The following TMC8 variants were observed in gnomAD, a reference collection of about 807,000 sequenced individuals.
TMC8 encodes transmembrane channel-like protein 8.
A neutral mutation model predicts 76.0 loss-of-function variants in TMC8; 71 were observed. That is an observed-to-expected ratio of 0.93 (90% CI 0.77 to 1.14). The LOEUF is 1.14. TMC8 is among the 50% of genes most tolerant of loss of function. The pLI is 0.00. For synonymous variants in TMC8, 433 were observed against 433.8 expected, an observed-to-expected ratio of 1.00 and a Z score of 0.02; for missense variants, 924 against 947.9, an observed-to-expected ratio of 0.97 and a Z score of 0.33.
chr17:78,139,358 C>A, intron 15 of TMC8, 118 bp downstream of exon 15: 1 of 1,151,464 alleles, frequency 8.7e-7, no homozygotes. Flanking sequence ...CACTGGAGGG[C>A]GTGGCCTCAG....
intron 5 of TMC8, 25 bp from the exon 6 acceptor site, chr17:78,133,381 T>G (rs1366668264): frequency 4.3e-6 from 7 of 1,613,606 alleles, no homozygotes; most frequent in Middle Eastern, 1.6e-4. Context: ...TCACCCGGGC[T>G]GGGTATCTTC....
At chr17:78,138,228 T>G in intron 12 of TMC8, 40 bp downstream of exon 12, 1 of 1,613,386 alleles carries the variant, frequency 6.2e-7, no homozygotes. Flanking sequence ...TTCGTGCCTC[T>G]GGGTGGATGC....
chr17:78,140,503 A>T (rs1368728148), intron 15 of TMC8, among the ~76,000 whole-genome samples: 2 of 145,298 alleles, frequency 1.4e-5, no homozygotes, highest in African/African-American at 5.2e-5. Flanking sequence ...ATGGGGTGGG[A>T]CCCTAGTGGG....
intron 10 of TMC8, 144 bp downstream of exon 10, chr17:78,137,502 C>A: frequency 7.0e-7 from 1 of 1,435,578 alleles, no homozygotes; most frequent in Non-Finnish European, 9.7e-7. Context: ...CGCACACCTC[C>A]AGGGGGCGCC....
chr17:78,135,065 GCTCT>G (rs754716494), intron 9 of TMC8, 56 bp downstream of exon 9: 2 of 1,610,092 alleles, frequency 1.2e-6, no homozygotes, highest in East Asian at 2.2e-5. Flanking sequence ...GCATCCTGCT[GCTCT>G]CTTTTGGTTG....
intron 15 of TMC8, 124 bp from the exon 16 acceptor site, chr17:78,140,710 C>T (rs2075354538): frequency 2.3e-6 from 3 of 1,325,710 alleles, no homozygotes; most frequent in Non-Finnish European, 3.2e-6. Context: ...TCGGGCGGGG[C>T]GTGGCCTCTG....
intron 9 of TMC8, 49 bp from the exon 10 acceptor site, chr17:78,137,186 G>A (rs1421887637): frequency 1.1e-5 from 17 of 1,610,104 alleles, no homozygotes; most frequent in South Asian, 2.2e-5. Flanking sequence ...GGTAGAGCCC[G>A]GTGCCCATGT....
intron 9 of TMC8, among the ~76,000 whole-genome samples, chr17:78,135,723 C>T (rs564816019): frequency 6.6e-6 from 1 of 152,354 alleles, no homozygotes; most frequent in East Asian, 1.9e-4. Context: ...GCTTTTCCCT[C>T]TGCTTCCTCA....
intron 15 of TMC8, among the ~76,000 whole-genome samples, chr17:78,140,521 C>A (rs2075346723): frequency 6.6e-6 from 1 of 151,454 alleles, no homozygotes; most frequent in South Asian, 2.1e-4. Context: ...GGGGCGTGGT[C>A]TCAGGGTGCG....
chr17:78,132,122 T>A, intron 3 of TMC8, 92 bp downstream of exon 3: 1 of 1,520,328 alleles, frequency 6.6e-7, no homozygotes, highest in Non-Finnish European at 8.8e-7. Flanking sequence ...CCCACCTGCC[T>A]TCACCCGGGT....
At chr17:78,133,298 C>T in intron 5 of TMC8, 108 bp from the exon 6 acceptor site, 1 of 1,565,354 alleles carries the variant, frequency 6.4e-7, no homozygotes, top group East Asian at 2.2e-5. Context: ...ACGGGACACT[C>T]CCTACCTGAT....
intron 15 of TMC8, among the ~76,000 whole-genome samples, chr17:78,139,812 T>G (rs2075329727): frequency 6.7e-6 from 1 of 150,160 alleles, no homozygotes; most frequent in Non-Finnish European, 1.5e-5. Flanking sequence ...GTGAGTGGAT[T>G]GCCTGAGGTC....
At chr17:78,139,728 TAA>T (rs34917993) in intron 15 of TMC8, among the ~76,000 whole-genome samples, 1,153 of 62,758 alleles carry the variant, frequency 0.018, 9 homozygotes, top group African/African-American at 0.049. Flanking sequence ...CGTCTCTACT[TAA>T]AAAAAAAAAA....
chr17:78,134,599 G>T (rs747493947), intron 8 of TMC8, 35 bp downstream of exon 8: 4 of 1,612,098 alleles, frequency 2.5e-6, no homozygotes, highest in Non-Finnish European at 1.7e-6. Flanking sequence ...ATCCTGGCCA[G>T]AACTGCGGGG....
At chr17:78,140,695 T>A (rs182436594) in intron 15 of TMC8, 139 bp from the exon 16 acceptor site, 6 of 1,187,474 alleles carry the variant, frequency 5.1e-6, no homozygotes, top group Non-Finnish European at 6.0e-6. Context: ...GAGCGGGGCG[T>A]GGCCTCGGGC....
chr17:78,137,168 A>C (rs1228670536), intron 9 of TMC8, 67 bp from the exon 10 acceptor site: 3 of 1,603,222 alleles, frequency 1.9e-6, no homozygotes, highest in Non-Finnish European at 1.7e-6. Flanking sequence ...AGCCACACCT[A>C]TAGCCTGGGT....
At chr17:78,137,941 A>T in intron 11 of TMC8, 64 bp from the exon 12 acceptor site, 1 of 1,607,206 alleles carries the variant, frequency 6.2e-7, no homozygotes, top group Non-Finnish European at 8.5e-7. Flanking sequence ...GGCTGTGGCC[A>T]TGACCAATAC....
chr17:78,134,606 G>A (rs762015344), intron 8 of TMC8, 42 bp downstream of exon 8: 12 of 1,609,996 alleles, frequency 7.5e-6, no homozygotes, highest in Non-Finnish European at 8.5e-6. Context: ...CCAGAACTGC[G>A]GGGGTGAGAC....
intron 5 of TMC8, 58 bp downstream of exon 5, chr17:78,132,928 T>G: frequency 1.9e-6 from 3 of 1,582,758 alleles, no homozygotes; most frequent in South Asian, 1.1e-5. Context: ...GGAACTGGCT[T>G]CAGGGGACAC....
Sources: allele counts gnomAD v4.1 joint callset (sites outside exome capture counted in the v4.1 genomes callset), GRCh38; gene constraint gnomAD v4.1.1; transcripts MANE v1.5; gene names NCBI Gene and HGNC (gene_info 2026-07-23, HGNC 2026-07-21).